MYO10: variants seen among roughly 807,000 people sequenced by gnomAD.
MYO10 encodes the protein unconventional myosin-X.
In MYO10, 133 loss-of-function variants were observed where a neutral mutation model predicts 257.3. That is an observed-to-expected ratio of 0.52 (90% CI 0.45 to 0.60). The LOEUF is 0.60. Among genes scored for constraint, MYO10 ranks in the 20% least tolerant of loss-of-function variants. The pLI is 0.00. For missense variants in MYO10, 2,399 were observed against 2,635.7 expected (o/e 0.91, Z 1.97); for synonymous variants, 1,104 against 1,028.6 (o/e 1.07, Z -1.40).
At chr5:16,834,793 A>C (rs766470734) in intron 2 of MYO10, among the ~76,000 whole-genome samples, 1 of 152,258 alleles carries the variant, frequency 6.6e-6, no homozygotes, top group Admixed American at 6.5e-5. Flanking sequence ...TTTAAACAAA[A>C]ATCAATGGAA....
chr5:16,897,940 G>C (rs979515250), intron 1 of MYO10, among the ~76,000 whole-genome samples: 2 of 152,194 alleles, frequency 1.3e-5, no homozygotes, highest in Admixed American at 6.5e-5. Context: ...AAACTCTGCG[G>C]ACCCTAATCA....
At chr5:16,899,997 CAAAAAAAAAAAAAAAAAA>C (rs60443560) in intron 1 of MYO10, among the ~76,000 whole-genome samples, 1 of 88,288 alleles carries the variant, frequency 1.1e-5, no homozygotes, top group Non-Finnish European at 2.0e-5. Flanking sequence ...GATGCTGTCT[CAAAAAAAAAAAAAAAAAA>C]AAAAAAAAAG....
intron 33 of MYO10, among the ~76,000 whole-genome samples, chr5:16,676,541 C>T (rs982633475): frequency 1.3e-5 from 2 of 152,142 alleles, no homozygotes; most frequent in Admixed American, 6.5e-5. Flanking sequence ...ATGGTGAAAC[C>T]CTGTCTCCAC....
intron 9 of MYO10, among the ~76,000 whole-genome samples, chr5:16,773,771 A>C (rs1430609460): frequency 6.6e-6 from 1 of 152,086 alleles, no homozygotes; most frequent in East Asian, 1.9e-4. Flanking sequence ...TCTAAAAAAA[A>C]ATACAAAGGT....
At chr5:16,824,558 A>C (rs927218511) in intron 2 of MYO10, among the ~76,000 whole-genome samples, 2 of 152,236 alleles carry the variant, frequency 1.3e-5, no homozygotes, top group East Asian at 1.9e-4. Context: ...TGTAAGTAAA[A>C]CTTTTCATAA....
intron 2 of MYO10, among the ~76,000 whole-genome samples, chr5:16,869,481 C>T (rs1171039419): frequency 6.6e-6 from 1 of 152,046 alleles, no homozygotes; most frequent in Non-Finnish European, 1.5e-5. Context: ...GAGACTGAGA[C>T]AGAAGGATCA....
chr5:16,673,339 C>G (rs1349284374), intron 36 of MYO10, among the ~76,000 whole-genome samples: 1 of 144,720 alleles, frequency 6.9e-6, no homozygotes, highest in Non-Finnish European at 1.5e-5. Flanking sequence ...TAGCTAGTCA[C>G]GTGCAAACAA....
chr5:16,842,074 T>C (rs1193274314), intron 2 of MYO10, among the ~76,000 whole-genome samples: 1 of 152,128 alleles, frequency 6.6e-6, no homozygotes, highest in Non-Finnish European at 1.5e-5. Flanking sequence ...GCACAGATAT[T>C]CTTGGTTTCA....
chr5:16,843,799 T>C (rs887941574), intron 2 of MYO10, among the ~76,000 whole-genome samples: 1 of 152,092 alleles, frequency 6.6e-6, no homozygotes, highest in African/African-American at 2.4e-5. Context: ...GCACAGGAAA[T>C]GGAAAAATAT....
Position 16,794,814 on chromosome 5 carries a change from A to G in MYO10, c.299T>C (p.Leu100Pro). 6.4e-7 allele frequency: 1 copy of G among 1,561,546 alleles called. No homozygotes were observed. Among genetic ancestry groups the G allele is most frequent in the Non-Finnish European group, 8.7e-7 (1 of 1,151,900 alleles). Residue 100 changes from leucine (L) to proline (P), a missense_variant, in exon 4 of 41, where the codon CTG becomes CCG. Around this residue, in one of 3 missense-constraint regions of MYO10, gnomAD observed 242 missense variants for 249.5 expected, o/e 0.97. Transcript: ENST00000513610. ...GGGCTGGTAGGGGTTCACGGAGGCCAGGATGGAGCCGATGTAGGTCTGCAA... is the reference window on the plus strand; with the variant it reads ...GGGCTGGTAGGGGTTCACGGAGGCCGGGATGGAGCCGATGTAGGTCTGCAA... ...NQIYTYIGSI[L>P]ASVNPYQPIA... is the part of the protein sequence containing the mutation.
In MYO10 at chr5:16,779,591, A is replaced by G; in HGVS notation, c.884T>C (p.Val295Ala). Residue 295 changes from valine to alanine, a missense_variant, in exon 9 of 41, where the codon GTA (valine) becomes GCA (alanine). Val to Ala is a moderately conservative substitution (Grantham distance 64, BLOSUM62 0). This residue lies in a region of MYO10 where 337 missense variants were observed against 446.8 expected (regional missense o/e 0.75). Transcript: ENST00000513610. ...CTGGTCACTGATTGTCTTGTCTTCTACACATCCAGACTGATTCAAGTAGTG... is the reference window on the plus strand; with the variant it reads ...CTGGTCACTGATTGTCTTGTCTTCTGCACATCCAGACTGATTCAAGTAGTG... ...NYHYLNQSGC[V>A]EDKTISDQES... 6.3e-7 allele frequency: 1 copy of G among 1,598,080 alleles called. No individual in the cohort carries two copies. Among genetic ancestry groups the G allele is most frequent in the Non-Finnish European group, 8.5e-7 (1 of 1,175,614 alleles).
intron 3 of MYO10, among the ~76,000 whole-genome samples, chr5:16,807,403 C>T (rs998882118): frequency 6.6e-6 from 1 of 152,164 alleles, no homozygotes; most frequent in African/African-American, 2.4e-5. Flanking sequence ...CAGTTAAACA[C>T]TTAGCATCTA....
Position 16,901,023 on chromosome 5 carries a change from G to T in MYO10, c.22-23316C>A, listed in dbSNP as rs370787390. Among the ~76,000 whole-genome samples, 6 of 152,130 alleles carry T rather than the reference G, an allele frequency of 3.9e-5. No individual in the cohort carries two copies. The East Asian group carries it at 1.2e-3, about 29-fold the overall frequency. On this transcript the variant is annotated intron_variant, in intron 1 of 40. Coordinates refer to ENST00000513610, the MANE Select transcript of MYO10 (RefSeq NM_012334.3). Reference sequence around the variant, plus strand: ...CCAAAGTGTTGGCATGAGCCACCACGCCTGGCCCCTTGCTTAAAATCTTTT... The same window carrying T: ...CCAAAGTGTTGGCATGAGCCACCACTCCTGGCCCCTTGCTTAAAATCTTTT...
chr5:16,783,534 T>G, intron 4 of MYO10, 65 bp from the exon 5 acceptor site: 21 of 1,486,200 alleles, frequency 1.4e-5, no homozygotes, highest in Non-Finnish European at 1.9e-5. Flanking sequence ...TCAGCTTTGG[T>G]CAATGGCACT....
Position 16,769,116 on chromosome 5 carries a change from C to A in MYO10, c.1018G>T (p.Glu340Ter). The change falls in exon 10 of 41, where the codon GAA (glutamate) becomes TAA (stop). Residue 340 changes from glutamate to a stop codon, truncating the protein, a stop_gained. Transcript: ENST00000513610. LOFTEE classifies it high-confidence loss of function. Reference protein sequence around the residue: ...LAGILHLGNIEFITAGGAQVS... With the variant: ...LAGILHLGNI ...TGTGCCCCACCAGCAGTGATAAATT[C>A]TATGTTCCCAAGATGCAGTATACCA... is the stretch of plus-strand genomic sequence containing the variant. 1 of 1,612,130 alleles carries A rather than the reference C, an allele frequency of 6.2e-7. No individual in the cohort carries two copies. The highest frequency in any genetic ancestry group is 8.5e-7 in the Non-Finnish European group (1 of 1,179,250).
intron 1 of MYO10, among the ~76,000 whole-genome samples, chr5:16,903,675 T>C (rs1256063642): frequency 6.6e-6 from 1 of 152,200 alleles, no homozygotes; most frequent in Non-Finnish European, 1.5e-5. Flanking sequence ...GCCTAGCACC[T>C]GGCATAGAGA....
At chr5:16,672,567 T>C in intron 37 of MYO10, 122 bp downstream of exon 37, 1 of 1,185,330 alleles carries the variant, frequency 8.4e-7, no homozygotes, top group Non-Finnish European at 1.2e-6. Context: ...TCAACACAGG[T>C]AAAATAAAAC....
intron 2 of MYO10, among the ~76,000 whole-genome samples, chr5:16,849,428 T>C (rs535752951): frequency 6.6e-6 from 1 of 152,318 alleles, no homozygotes; most frequent in African/African-American, 2.4e-5. Context: ...TTTGTATGTA[T>C]AAAAGCACAA....
At chr5:16,706,562 T>C (rs1738354142) in intron 21 of MYO10, among the ~76,000 whole-genome samples, 1 of 152,102 alleles carries the variant, frequency 6.6e-6, no homozygotes, top group South Asian at 2.1e-4. Flanking sequence ...AGCCAAATCT[T>C]GGGGAAGGGG....
Sources: allele counts gnomAD v4.1 joint callset (sites outside exome capture counted in the v4.1 genomes callset), GRCh38; gene constraint gnomAD v4.1.1; regional missense constraint gnomAD v4.1.1; transcripts MANE v1.5; gene names NCBI Gene and HGNC (gene_info 2026-07-23, HGNC 2026-07-21).